DIAPH3: variants seen among roughly 807,000 people sequenced by gnomAD.
The protein encoded by DIAPH3 is protein diaphanous homolog 3.
DIAPH3 carries 117 observed loss-of-function variants against 144.3 expected under a neutral mutation model. The ratio of observed to expected loss-of-function variants is 0.81; its 90% CI spans 0.70 to 0.95. DIAPH3 has a LOEUF of 0.95. Among genes scored for constraint, DIAPH3 ranks in the 40% least tolerant of loss-of-function variants. The pLI is 0.00. For missense variants in DIAPH3, 1,421 were observed against 1,412.7 expected, an observed-to-expected ratio of 1.01 and a Z score of -0.09; for synonymous variants, 519 against 488.9, an observed-to-expected ratio of 1.06 and a Z score of -0.81.
At chr13:60,109,559 G>A (rs1027440316) in intron 3 of DIAPH3, among the ~76,000 whole-genome samples, 3 of 152,088 alleles carry the variant, frequency 2.0e-5, no homozygotes, top group African/African-American at 4.8e-5. Flanking sequence ...GAACAAGCTT[G>A]AACAAGGGAA....
intron 27 of DIAPH3, among the ~76,000 whole-genome samples, chr13:59,752,325 T>C (rs2037049315): frequency 6.6e-6 from 1 of 151,938 alleles, no homozygotes; most frequent in South Asian, 2.1e-4. Context: ...TTACTTCAGC[T>C]ACATTATTAG....
At chr13:59,725,905 T>TA (rs1336540211) in intron 27 of DIAPH3, among the ~76,000 whole-genome samples, 3 of 152,054 alleles carry the variant, frequency 2.0e-5, no homozygotes, top group Admixed American at 2.0e-4. Flanking sequence ...ATTACAAAGG[T>TA]AAAAGAGAGA....
chr13:59,674,368 G>T lies in DIAPH3; in HGVS notation c.3320-7522C>A, dbSNP rs533988374. Among the ~76,000 whole-genome samples, 25 of 152,262 alleles carry T rather than the reference G, an allele frequency of 1.6e-4. 1 individual carries two copies. The highest frequency in any genetic ancestry group is 3.4e-3 in the Middle Eastern group (1 of 294). ...AAAGCAGACATAACTTTCAGGCAGA[G>T]CCAGAGACAGAACTAAGTCCTCAGA... On this transcript the variant is annotated intron_variant, in intron 27 of 27. Coordinates refer to ENST00000400324, the MANE Select transcript of DIAPH3 (RefSeq NM_001042517.2).
At chr13:59,980,737 G>A (rs2050949209) in intron 14 of DIAPH3, 58 bp downstream of exon 14, 2 of 1,456,902 alleles carry the variant, frequency 1.4e-6, no homozygotes, top group Admixed American at 3.4e-5. Context: ...CCCTGAGGCA[G>A]AAGCATGCCT....
At chr13:59,820,621 C>CA (rs1555306688) in intron 24 of DIAPH3, among the ~76,000 whole-genome samples, 1 of 151,476 alleles carries the variant, frequency 6.6e-6, no homozygotes, top group Non-Finnish European at 1.5e-5. Flanking sequence ...AATCAATGTG[C>CA]ATTTTCCCCT....
intron 18 of DIAPH3, among the ~76,000 whole-genome samples, chr13:59,923,754 C>A (rs2047626940): frequency 1.3e-5 from 2 of 152,230 alleles, no homozygotes; most frequent in South Asian, 2.1e-4. Context: ...GAATACTAGA[C>A]AATACACCAA....
At chr13:59,712,888 T>C (rs544670925) in intron 27 of DIAPH3, among the ~76,000 whole-genome samples, 4 of 152,298 alleles carry the variant, frequency 2.6e-5, no homozygotes, top group African/African-American at 4.8e-5. Context: ...GGGGGAAGGA[T>C]AGTTTCAGGA....
At chr13:60,061,342 C>T (rs914749179) in intron 4 of DIAPH3, among the ~76,000 whole-genome samples, 4 of 151,848 alleles carry the variant, frequency 2.6e-5, no homozygotes, top group Admixed American at 6.6e-5. Flanking sequence ...AGACCTTAAC[C>T]CATGGACAAT....
intron 27 of DIAPH3, among the ~76,000 whole-genome samples, chr13:59,716,909 T>C (rs938215208): frequency 2.0e-5 from 3 of 152,250 alleles, no homozygotes; most frequent in African/African-American, 7.2e-5. Flanking sequence ...AGCACTCTTT[T>C]GTGATGATTC....
chr13:59,969,124 G>A (rs969613539), intron 17 of DIAPH3, among the ~76,000 whole-genome samples: 2 of 152,130 alleles, frequency 1.3e-5, no homozygotes, highest in African/African-American at 4.8e-5. Flanking sequence ...GCCTTGAAAT[G>A]TAAGTAGCAG....
intron 8 of DIAPH3, 84 bp downstream of exon 8, chr13:60,010,449 G>A: frequency 7.5e-7 from 1 of 1,341,124 alleles, no homozygotes; most frequent in South Asian, 1.3e-5. Context: ...GTAAATTCTA[G>A]CCTAGAGTAG....
At chr13:59,748,614 C>A (rs911610655) in intron 27 of DIAPH3, among the ~76,000 whole-genome samples, 7 of 152,124 alleles carry the variant, frequency 4.6e-5, no homozygotes, top group Non-Finnish European at 1.0e-4. Context: ...TAAGAGGCAG[C>A]CTTTACTTTC....
intron 12 of DIAPH3, among the ~76,000 whole-genome samples, 177 bp downstream of exon 12, chr13:59,990,981 A>G (rs1190050520): frequency 1.3e-5 from 2 of 151,982 alleles, no homozygotes; most frequent in East Asian, 3.9e-4. Flanking sequence ...AGTAATAGTA[A>G]TATCATTTTA....
At chr13:59,712,577 C>T (rs554910232) in intron 27 of DIAPH3, among the ~76,000 whole-genome samples, 10 of 152,282 alleles carry the variant, frequency 6.6e-5, no homozygotes, top group Admixed American at 6.5e-4. Flanking sequence ...TAGCTGGCTC[C>T]CACACATATC....
chr13:59,737,029 A>G (rs2036188995), intron 27 of DIAPH3, among the ~76,000 whole-genome samples: 1 of 152,170 alleles, frequency 6.6e-6, no homozygotes, highest in South Asian at 2.1e-4. Flanking sequence ...TTAAATGTAA[A>G]AACGAAAACC....
chr13:60,143,410 A>C (rs1951364906), intron 1 of DIAPH3, among the ~76,000 whole-genome samples: 1 of 152,136 alleles, frequency 6.6e-6, no homozygotes. Flanking sequence ...TGAATTTCTT[A>C]ACTGTACTAT....
intron 27 of DIAPH3, among the ~76,000 whole-genome samples, chr13:59,696,512 A>G (rs186096696): frequency 3.9e-5 from 6 of 152,316 alleles, no homozygotes; most frequent in African/African-American, 1.4e-4. Context: ...TCATATTTAT[A>G]CAGTCTGTGA....
At chr13:59,881,991 C>T (rs760547637) in intron 20 of DIAPH3, among the ~76,000 whole-genome samples, 4 of 152,112 alleles carry the variant, frequency 2.6e-5, no homozygotes, top group Non-Finnish European at 4.4e-5. Context: ...TATGATGACC[C>T]CTAGGCCAAA....
At chr13:59,882,894 G>C (rs1384361391) in intron 20 of DIAPH3, among the ~76,000 whole-genome samples, 1 of 152,040 alleles carries the variant, frequency 6.6e-6, no homozygotes, top group Non-Finnish European at 1.5e-5. Flanking sequence ...TTTCCTGAAG[G>C]CAGGGAGCAG....
Sources: gnomAD v4.1 joint callset for allele counts (sites outside exome capture counted in the v4.1 genomes callset) on GRCh38, gnomAD v4.1.1 for gene constraint, MANE v1.5 for transcripts, NCBI Gene and HGNC (gene_info 2026-07-23, HGNC 2026-07-21) for gene names.